MMRN1: variants seen among roughly 807,000 people sequenced by gnomAD.
MMRN1 encodes multimerin-1.
In MMRN1, 94 loss-of-function variants were observed where a neutral mutation model predicts 100.7. The observed-to-expected ratio is 0.93, with a 90% CI of 0.79 to 1.11. The LOEUF is 1.11. Among genes scored for constraint, MMRN1 ranks in the 50% least tolerant of loss-of-function variants. MMRN1 has a pLI of 0.00. For synonymous variants in MMRN1, 575 were observed against 505.0 expected (o/e 1.14, Z -1.86); for missense variants, 1,606 against 1,439.1 (o/e 1.12, Z -1.88).
At chr4:89,886,145 C>A (rs1720932734) in intron 1 of MMRN1, among the ~76,000 whole-genome samples, 1 of 151,400 alleles carries the variant, frequency 6.6e-6, no homozygotes. Context: ...CCTGCCTCAG[C>A]CTCCCAAAGT....
chr4:89,901,230 T>C (rs1210381457), intron 1 of MMRN1, among the ~76,000 whole-genome samples: 3 of 151,978 alleles, frequency 2.0e-5, no homozygotes, highest in Admixed American at 2.0e-4. Context: ...TGTTTGTTTC[T>C]TATAATATTT....
In MMRN1 at chr4:89,883,617, A is replaced by C. The variant is rs189270861; in HGVS notation, c.-249+4015A>C. 1.7e-3 allele frequency among the ~76,000 whole-genome samples: 255 copies of C among 152,238 alleles called. 2 individuals are homozygous for C. The highest frequency in any genetic ancestry group is 2.4e-3 in the Non-Finnish European group (160 of 68,004). ...CTTGTCTTTTCATTATTAATTTATA[A>C]GAATTCATTTTATATTTTGAATGGA... On this transcript the variant is annotated intron_variant, in intron 1 of 8. Transcript: ENST00000394980.
chr4:89,891,890 C>T (rs370473722), upstream of MMRN1, among the ~76,000 whole-genome samples: 3 of 152,020 alleles, frequency 2.0e-5, no homozygotes, highest in South Asian at 4.2e-4. Flanking sequence ...TTAGCCCATA[C>T]CCCCAACATT....
rs1344511259 is a variant in MMRN1, at chr4:89,895,484, T to G, written c.513T>G (p.Thr171=). ...GTGGIGGVGG[T]GGVGNRAPRE... is the part of the protein sequence containing the mutation. ...GAGGCATTGGAGGCGTTGGAGGCAC[T>G]GGAGGCGTGGGAAATCGAGCCCCAC... The change falls in exon 1 of 8, where the codon ACT becomes ACG. Residue 171 remains threonine (T), a synonymous_variant. Coordinates refer to ENST00000264790, the MANE Select transcript of MMRN1 (RefSeq NM_007351.3). 3 of 1,613,712 alleles carry G rather than the reference T, an allele frequency of 1.9e-6. No homozygotes were observed. The highest frequency in any genetic ancestry group is 3.3e-5 in the Admixed American group (2 of 59,948).
chr4:89,925,625 A>T (rs940236325), intron 4 of MMRN1, among the ~76,000 whole-genome samples: 3 of 151,686 alleles, frequency 2.0e-5, no homozygotes, highest in Non-Finnish European at 4.4e-5. Flanking sequence ...AGGTCAGGAG[A>T]TCAAGAACAT....
chr4:89,931,331 C>T (rs1722426754), intron 5 of MMRN1, among the ~76,000 whole-genome samples: 1 of 152,012 alleles, frequency 6.6e-6, no homozygotes, highest in African/African-American at 2.4e-5. Flanking sequence ...TTATGTAAGT[C>T]CCTCATGTAT....
rs936006020 is a variant in MMRN1, at chr4:89,923,070, C to T, written c.851-98C>T. 9 of 961,534 alleles carry T rather than the reference C, an allele frequency of 9.4e-6. No individual in the cohort carries two copies. In the Admixed American group the frequency reaches 1.2e-4, roughly 12 times the overall value. 59.6% of individuals were successfully genotyped at this position (961,534 alleles called of 1,614,324 possible). On this transcript the variant is annotated intron_variant, in intron 3 of 7. Coordinates refer to ENST00000264790, the MANE Select transcript of MMRN1 (RefSeq NM_007351.3). ...TCCCCGACCATCATGCTTCAGTACG[C>T]GGGAAAATGAATGTCAGCCAAATTA...
At chr4:89,929,702 G>A (rs1216061761) in intron 5 of MMRN1, among the ~76,000 whole-genome samples, 3 of 151,972 alleles carry the variant, frequency 2.0e-5, no homozygotes, top group African/African-American at 4.8e-5. Flanking sequence ...AACTCCCTCC[G>A]CAATAGGAGG....
chr4:89,885,733 A>T (rs1436711938), intron 1 of MMRN1, among the ~76,000 whole-genome samples: 2 of 151,956 alleles, frequency 1.3e-5, no homozygotes, highest in Non-Finnish European at 2.9e-5. Context: ...GCTCTTCATA[A>T]TGTCTCTACT....
rs1201205399 is a variant in MMRN1, at chr4:89,935,094, C to T, written c.1414C>T (p.Leu472Phe). The T allele has an allele frequency of 1.9e-6, 3 of 1,613,606 alleles. No homozygotes were observed. The East Asian group carries it at 6.7e-5, about 36-fold the overall frequency. ...HIVNVRQEMTLTCEKPIKELE... is the reference protein window; with the variant it reads ...HIVNVRQEMTFTCEKPIKELE... ...TGTGAATGTAAGGCAAGAAATGACT[C>T]TTACATGTGAGAAGCCTATTAAAGA... Residue 472 changes from leucine (L) to phenylalanine (F), a missense_variant, in exon 6 of 8, where the codon CTT becomes TTT. Coordinates refer to ENST00000264790, the MANE Select transcript of MMRN1 (RefSeq NM_007351.3).
chr4:89,944,634 G>A (rs1014287710), intron 6 of MMRN1, among the ~76,000 whole-genome samples: 2 of 152,044 alleles, frequency 1.3e-5, no homozygotes, highest in African/African-American at 4.8e-5. Flanking sequence ...ATGTTAAGAC[G>A]GCTATAATCA....
In MMRN1 at chr4:89,935,948, G is replaced by T; in HGVS notation, c.2268G>T (p.Lys756Asn). 6.2e-7 allele frequency: 1 copy of T among 1,608,912 alleles called. No homozygotes were observed. The highest frequency in any genetic ancestry group is 8.5e-7 in the Non-Finnish European group (1 of 1,176,020). The change falls in exon 6 of 8, where the codon AAG (lysine) becomes AAT (asparagine). Residue 756 changes from lysine to asparagine, a missense_variant. Transcript: ENST00000264790. ...TAAAAGAGACTTTAAGTACTATTAA[G>T]GATAATAGTGAGATCCATCATAAAT... ...YALKETLSTI[K>N]DNSEIHHKCT...
chr4:89,901,487 T>G (rs1242147749), intron 1 of MMRN1, among the ~76,000 whole-genome samples: 1 of 152,080 alleles, frequency 6.6e-6, no homozygotes, highest in African/African-American at 2.4e-5. Context: ...TCTGCTCATT[T>G]TGTGTGAATT....
chr4:89,950,860 C>G (rs1404469209), intron 6 of MMRN1, among the ~76,000 whole-genome samples: 1 of 151,924 alleles, frequency 6.6e-6, no homozygotes, highest in Admixed American at 6.6e-5. Context: ...TACCCGGCCT[C>G]ATTTTCCATT....
intron 2 of MMRN1, among the ~76,000 whole-genome samples, chr4:89,909,926 A>C (rs1721694303): frequency 6.6e-6 from 1 of 151,422 alleles, no homozygotes; most frequent in Non-Finnish European, 1.5e-5. Flanking sequence ...TTTTTTAAAA[A>C]AGTCTATGCT....
At chr4:89,933,611 C>T (rs1326033656) in intron 5 of MMRN1, among the ~76,000 whole-genome samples, 3 of 152,188 alleles carry the variant, frequency 2.0e-5, no homozygotes, top group African/African-American at 7.2e-5. Flanking sequence ...CCACATCTTA[C>T]ACGGCGACAA....
At chr4:89,952,268 T>A (rs1433511418) in intron 7 of MMRN1, among the ~76,000 whole-genome samples, 1 of 152,316 alleles carries the variant, frequency 6.6e-6, no homozygotes, top group African/African-American at 2.4e-5. Flanking sequence ...ATGGCTTTTT[T>A]ATTTATTTAA....
rs1253588422 is a variant in MMRN1 at position 89,895,077 on chromosome 4, C to T, written c.106C>T (p.Gln36Ter). Reference sequence around the variant, plus strand: ...GACTATACCTGAGGATGGGAACTCTCAGAAGACTATGCCTTCTGCTTCAGT... The same window carrying T: ...GACTATACCTGAGGATGGGAACTCTTAGAAGACTATGCCTTCTGCTTCAGT... ...SWTIPEDGNS[Q>*]KTMPSASVPP... The change falls in exon 1 of 8, where the codon CAG (glutamine) becomes TAG (stop). Residue 36 changes from glutamine (Q) to a stop codon, truncating the protein, a stop_gained. Transcript: ENST00000264790. LOFTEE classifies it high-confidence loss of function. 4 of 1,613,804 alleles carry T rather than the reference C, an allele frequency of 2.5e-6. No homozygotes were observed. The highest frequency in any genetic ancestry group is 3.4e-6 in the Non-Finnish European group (4 of 1,179,914).
rs1483793064 is a variant in MMRN1 at position 89,953,925 on chromosome 4, T to G, written c.*507T>G. On this transcript the variant is annotated 3_prime_UTR_variant, in exon 8 of 8. Coordinates refer to ENST00000264790, the MANE Select transcript of MMRN1 (RefSeq NM_007351.3). ...AGTTGATCAATTTTCCATACTAAGA[T>G]TTTCATTCAGAATCAAAATTAAGAA... 6.6e-6 allele frequency: 1 copy of G among 152,184 alleles called. No individual in the cohort carries two copies. Among genetic ancestry groups the G allele is most frequent in the African/African-American group, 2.4e-5 (1 of 41,454 alleles). The allele number at this position is 152,184 out of a possible 1,614,324, so 9.4% of individuals were successfully genotyped here. A position where few individuals can be genotyped will look rare whatever the true frequency, so the allele number is the denominator to read the frequency against.
Sources: gnomAD v4.1 joint callset for allele counts (sites outside exome capture counted in the v4.1 genomes callset) on GRCh38, gnomAD v4.1.1 for gene constraint, MANE v1.5 for transcripts, NCBI Gene and HGNC (gene_info 2026-07-23, HGNC 2026-07-21) for gene names.